The following HOXD12 variants were observed in gnomAD, a reference collection of about 807,000 sequenced individuals.
The protein encoded by HOXD12 is homeobox D12.
HOXD12 carries 21 observed loss-of-function variants against 20.2 expected under a neutral mutation model. That is an observed-to-expected ratio of 1.04 (90% CI 0.74 to 1.50). The LOEUF (loss-of-function observed/expected upper bound fraction) is 1.50, where lower values mean the gene tolerates loss of function less well. Among genes scored for constraint, HOXD12 ranks in the 40% most tolerant of loss-of-function variants. The probability of loss-of-function intolerance (pLI) is 0.00; values close to 1 mark genes in which losing one functional copy is unlikely to be tolerated. For missense variants in HOXD12, 472 were observed against 365.5 expected (o/e 1.29, Z -2.38); for synonymous variants, 196 against 168.8 (o/e 1.16, Z -1.25).
In HOXD12 at chr2:176,100,023, G is replaced by T. The variant is rs1441084937; in HGVS notation, c.222G>T (p.Gln74His). ...AGATAFGGFS[Q>H]PYLAGSGPLG... ...CCACTGCCTTCGGCGGCTTCTCGCA[G>T]CCCTACCTGGCTGGCTCCGGGCCTC... Residue 74 changes from glutamine to histidine, a missense_variant, in exon 1 of 2, where the codon CAG becomes CAT. Gln to His is a conservative substitution (Grantham distance 24, BLOSUM62 0). Transcript: ENST00000406506. The T allele has an allele frequency of 6.4e-7, 1 of 1,566,198 alleles. No homozygotes were observed. Among genetic ancestry groups the T allele is most frequent in the Non-Finnish European group, 8.7e-7 (1 of 1,155,750 alleles).
rs1185119269 is a variant in HOXD12, at chr2:176,101,767, G to T, written c.*1007G>T. 6.6e-6 allele frequency among the ~76,000 whole-genome samples: 1 copy of T among 152,154 alleles called. No individual in the cohort carries two copies. Among genetic ancestry groups the T allele is most frequent in the African/African-American group, 2.4e-5 (1 of 41,424 alleles). ...GGCTTTCCAGTTGAGGTGAGTAAAG[G>T]TGTTGGTGCATCTTTCTTTCTTCAA... On this transcript the variant is annotated 3_prime_UTR_variant, in exon 2 of 2. Transcript: ENST00000406506.
chr2:176,099,931 T>C lies in HOXD12; in HGVS notation c.130T>C (p.Tyr44His). The C allele has an allele frequency of 1.3e-6, 2 of 1,593,534 alleles. No homozygotes were observed. The highest frequency in any genetic ancestry group is 1.7e-6 in the Non-Finnish European group (2 of 1,172,766). The change falls in exon 1 of 2, where the codon TAC becomes CAC. Residue 44 changes from tyrosine to histidine, a missense_variant. Physicochemically the swap from Tyr to His is moderately conservative, Grantham distance 83. Coordinates refer to ENST00000406506, the MANE Select transcript of HOXD12 (RefSeq NM_021193.4). ...GTTGGCCGCGCTTCCCCCTATCTCC[T>C]ACCCGCGCGGCGCGCTGCCCTGGGC... is the stretch of plus-strand genomic sequence containing the variant. ...GQLAALPPIS[Y>H]PRGALPWAAT...
rs1304023385 is a variant in HOXD12 at position 176,099,864 on chromosome 2, A to G, written c.63A>G (p.Pro21=). The G allele has an allele frequency of 1.5e-5, 24 of 1,583,646 alleles. No homozygotes were observed. Among genetic ancestry groups the G allele is most frequent in the Non-Finnish European group, 2.1e-5 (24 of 1,168,560 alleles). The part of the protein sequence containing the change: ...YVGSLLNLQS[P]DSFYFSNLRP... Reference sequence around the variant, plus strand: ...GCTCGCTTCTGAATCTGCAGTCGCCAGACTCTTTCTACTTCTCCAACCTGA... The same window carrying G: ...GCTCGCTTCTGAATCTGCAGTCGCCGGACTCTTTCTACTTCTCCAACCTGA... The change falls in exon 1 of 2, where the codon CCA becomes CCG. Residue 21 remains proline, a synonymous_variant. Transcript: ENST00000406506.
At chr2:176,100,493 G>C in intron 1 of HOXD12, 29 bp from the exon 2 acceptor site, 1 of 1,588,602 alleles carries the variant, frequency 6.3e-7, no homozygotes, top group Non-Finnish European at 8.6e-7. Context: ...GTACGGGCTG[G>C]GTTGACGTGG....
At chr2:176,100,488 G>C (rs771241528) in intron 1 of HOXD12, 34 bp from the exon 2 acceptor site, 1 of 1,589,958 alleles carries the variant, frequency 6.3e-7, no homozygotes, top group African/African-American at 1.3e-5. Flanking sequence ...ACAGAGTACG[G>C]GCTGGGTTGA....
Position 176,100,202 on chromosome 2 carries a change from C to A in HOXD12, c.401C>A (p.Ala134Glu). The A allele has an allele frequency of 6.2e-7, 1 of 1,612,220 alleles. No individual in the cohort carries two copies. Among genetic ancestry groups the A allele is most frequent in the Non-Finnish European group, 8.5e-7 (1 of 1,179,768 alleles). The change falls in exon 1 of 2, where the codon GCG becomes GAG. Residue 134 changes from alanine (A) to glutamate (E), a missense_variant. Transcript: ENST00000406506. ...SLAPAVAALK[A>E]AKYDYAGVGR... ...GCTCCTGCAGTGGCTGCTCTCAAAG[C>A]GGCCAAGTATGACTACGCTGGTGTG...
Position 176,100,297 on chromosome 2 carries a change from A to C in HOXD12, c.496A>C (p.Thr166Pro), listed in dbSNP as rs779932058. The change falls in exon 1 of 2, where the codon ACC (threonine) becomes CCC (proline). Residue 166 changes from threonine (T) to proline (P), a missense_variant. Physicochemically the swap from Thr to Pro is conservative, Grantham distance 38. Coordinates refer to ENST00000406506, the MANE Select transcript of HOXD12 (RefSeq NM_021193.4). ...APCAPGFKDDTKGPLNLNMTV... is the reference protein window; with the variant it reads ...APCAPGFKDDPKGPLNLNMTV... The stretch of plus-strand genomic sequence containing the variant: ...CTGCGCCCCTGGCTTCAAGGACGAC[A>C]CCAAGGGCCCGCTCAACTTGAACAT... The C allele has an allele frequency of 6.2e-7, 1 of 1,612,600 alleles. No individual in the cohort carries two copies. Among genetic ancestry groups the C allele is most frequent in the Non-Finnish European group, 8.5e-7 (1 of 1,179,844 alleles).
Position 176,102,383 on chromosome 2 carries a change from TATC to T in HOXD12, c.*1626_*1628del, listed in dbSNP as rs1227485478. Among the ~76,000 whole-genome samples the T allele has an allele frequency of 4.6e-5, 7 of 152,244 alleles. No homozygotes were observed. The highest frequency in any genetic ancestry group is 1.4e-4 in the African/African-American group (6 of 41,464). On this transcript the variant is annotated 3_prime_UTR_variant, in exon 2 of 2. Transcript: ENST00000406506. The stretch of plus-strand genomic sequence containing the variant: ...TTCATTTTCTAGGCTATCTAATAGT[TATC>T]ATGCATGTTTTGTTTTGATTTTGTC...
chr2:176,100,804 A>G lies in HOXD12; in HGVS notation c.*44A>G, dbSNP rs1460375470. On this transcript the variant is annotated 3_prime_UTR_variant, in exon 2 of 2. Transcript: ENST00000406506. ...CCGGGTTGGATCTGCCCTTTTGGACAGAGGCCTTGTTTGGGGAGGGGGATC... is the reference window on the plus strand; with the variant it reads ...CCGGGTTGGATCTGCCCTTTTGGACGGAGGCCTTGTTTGGGGAGGGGGATC... 2 of 1,345,210 alleles carry G rather than the reference A, an allele frequency of 1.5e-6. No individual in the cohort carries two copies. The highest frequency in any genetic ancestry group is 1.9e-4 in the Middle Eastern group (1 of 5,318). 83.3% of individuals were successfully genotyped at this position (1,345,210 alleles called of 1,614,324 possible).
In HOXD12 at chr2:176,099,936, G is replaced by T. The variant is rs768830297; in HGVS notation, c.135G>T (p.Pro45=). Residue 45 remains proline, a synonymous_variant, in exon 1 of 2, where the codon CCG becomes CCT. Coordinates refer to ENST00000406506, the MANE Select transcript of HOXD12 (RefSeq NM_021193.4). The part of the protein sequence containing the change: ...QLAALPPISY[P]RGALPWAATP... ...CCGCGCTTCCCCCTATCTCCTACCC[G>T]CGCGGCGCGCTGCCCTGGGCCGCCA... The T allele has an allele frequency of 2.5e-6, 4 of 1,592,216 alleles. No individual in the cohort carries two copies. Among genetic ancestry groups the T allele is most frequent in the African/African-American group, 1.4e-5 (1 of 72,146 alleles).
At chr2:176,100,434 G>T in intron 1 of HOXD12, 59 bp downstream of exon 1, 2 of 1,602,122 alleles carry the variant, frequency 1.2e-6, no homozygotes. Flanking sequence ...TGGGGTTCAA[G>T]GGAGAGTGTA....
At chr2:176,100,474 A>G in intron 1 of HOXD12, 48 bp from the exon 2 acceptor site, 1 of 1,588,842 alleles carries the variant, frequency 6.3e-7, no homozygotes, top group South Asian at 1.1e-5. Flanking sequence ...GGGGCGGGCA[A>G]TAGACAGAGT....
In HOXD12 at chr2:176,101,100, C is replaced by A. The variant is rs936716786; in HGVS notation, c.*340C>A. 3.6e-5 allele frequency: 15 copies of A among 412,628 alleles called. No homozygotes were observed. In the East Asian group the frequency reaches 6.5e-4, roughly 18 times the overall value. The allele number at this position is 412,628 out of a possible 1,614,324, so 25.6% of individuals were successfully genotyped here. The stretch of plus-strand genomic sequence containing the variant: ...GTACCTGGATTTTTCTGTTTCCACC[C>A]AATTCGTTCTCCCTTTCCCCCTCTC... On this transcript the variant is annotated 3_prime_UTR_variant, in exon 2 of 2. Coordinates refer to ENST00000406506, the MANE Select transcript of HOXD12 (RefSeq NM_021193.4).
Position 176,100,070 on chromosome 2 carries a change from C to T in HOXD12, c.269C>T (p.Ala90Val), listed in dbSNP as rs1689467293. 1.3e-6 allele frequency: 2 copies of T among 1,594,780 alleles called. No individual in the cohort carries two copies. Among genetic ancestry groups the T allele is most frequent in the African/African-American group, 1.3e-5 (1 of 74,550 alleles). ...SGPLGLQPPTAKDGPEEQAKF... is the reference protein window; with the variant it reads ...SGPLGLQPPTVKDGPEEQAKF... The stretch of plus-strand genomic sequence containing the variant: ...CCTCTCGGCCTGCAGCCCCCAACAG[C>T]CAAAGACGGACCCGAAGAGCAGGCT... Residue 90 changes from alanine (A) to valine (V), a missense_variant, in exon 1 of 2, where the codon GCC becomes GTC. Physicochemically the swap from Ala to Val is moderately conservative, Grantham distance 64. Coordinates refer to ENST00000406506, the MANE Select transcript of HOXD12 (RefSeq NM_021193.4).
Position 176,100,767 on chromosome 2 carries a change from G to C in HOXD12, c.*7G>C, listed in dbSNP as rs769919215. 12 of 1,598,672 alleles carry C rather than the reference G, an allele frequency of 7.5e-6. No individual in the cohort carries two copies. The highest frequency in any genetic ancestry group is 1.0e-5 in the Non-Finnish European group (12 of 1,167,474). On this transcript the variant is annotated 3_prime_UTR_variant, in exon 2 of 2. Coordinates refer to ENST00000406506, the MANE Select transcript of HOXD12 (RefSeq NM_021193.4). ...GGCGCTGGCGCTCTACTAGCCGCGC[G>C]CGTGGCCAGGGCCGGGTTGGATCTG...
At position 176,100,634 on chromosome 2, in the gene HOXD12, G is replaced by C; in HGVS notation, c.687G>C (p.Arg229Ser). ...NEFLVNEFIN[R>S]QKRKELSNRL... ...TCCTCGTCAACGAATTCATCAACAG[G>C]CAGAAACGCAAGGAATTGTCCAATA... Residue 229 changes from arginine to serine, a missense_variant, in exon 2 of 2, where the codon AGG (arginine) becomes AGC (serine). Coordinates refer to ENST00000406506, the MANE Select transcript of HOXD12 (RefSeq NM_021193.4). 1 of 1,613,652 alleles carries C rather than the reference G, an allele frequency of 6.2e-7. No individual in the cohort carries two copies. Among genetic ancestry groups the C allele is most frequent in the South Asian group, 1.1e-5 (1 of 90,988 alleles).
Position 176,102,425 on chromosome 2 carries a change from T to G in HOXD12, c.*1665T>G, listed in dbSNP as rs1239674016. ...TTTGATTTTGTCAAAAACAGTAGCT[T>G]GTATATATCAGACACAATATATACA... On this transcript the variant is annotated 3_prime_UTR_variant, in exon 2 of 2. Coordinates refer to ENST00000406506, the MANE Select transcript of HOXD12 (RefSeq NM_021193.4). Among the ~76,000 whole-genome samples the G allele has an allele frequency of 1.3e-5, 2 of 152,260 alleles. No individual in the cohort carries two copies. Among genetic ancestry groups the G allele is most frequent in the African/African-American group, 4.8e-5 (2 of 41,474 alleles).
Position 176,100,102 on chromosome 2 carries a change from T to C in HOXD12, c.301T>C (p.Tyr101His), listed in dbSNP as rs1386793222. The stretch of plus-strand genomic sequence containing the variant: ...CGGACCCGAAGAGCAGGCTAAGTTC[T>C]ATGCGCCCGAAGCGGCCGCTGGGCC... ...KDGPEEQAKFYAPEAAAGPEE... is the reference protein window; with the variant it reads ...KDGPEEQAKFHAPEAAAGPEE... The change falls in exon 1 of 2, where the codon TAT (tyrosine) becomes CAT (histidine). Residue 101 changes from tyrosine (Y) to histidine (H), a missense_variant. Coordinates refer to ENST00000406506, the MANE Select transcript of HOXD12 (RefSeq NM_021193.4). 1.0e-5 allele frequency: 16 copies of C among 1,607,556 alleles called. No individual in the cohort carries two copies. In the Admixed American group the frequency reaches 2.7e-4, roughly 27 times the overall value.
rs752300796 is a variant in HOXD12 at position 176,099,966 on chromosome 2, C to T, written c.165C>T (p.Pro55=). The T allele has an allele frequency of 4.4e-6, 7 of 1,596,564 alleles. No individual in the cohort carries two copies. Among genetic ancestry groups the T allele is most frequent in the Admixed American group, 1.8e-5 (1 of 56,836 alleles). ...PRGALPWAAT[P]ASCAPAQPAG... ...GCGCGCTGCCCTGGGCCGCCACGCC[C>T]GCCTCCTGCGCCCCCGCGCAGCCTG... is the stretch of plus-strand genomic sequence containing the variant. Residue 55 remains proline, a synonymous_variant, in exon 1 of 2, where the codon CCC becomes CCT. Transcript: ENST00000406506.
Sources: allele counts gnomAD v4.1 joint callset (sites outside exome capture counted in the v4.1 genomes callset), GRCh38; gene constraint gnomAD v4.1.1; transcripts MANE v1.5; gene names NCBI Gene and HGNC (gene_info 2026-07-23, HGNC 2026-07-21).